The following FBXL17 variants were observed in gnomAD, a reference collection of about 807,000 sequenced individuals.
FBXL17 encodes the protein F-box/LRR-repeat protein 17.
FBXL17 carries 22 observed loss-of-function variants against 66.2 expected under a neutral mutation model. The observed-to-expected ratio is 0.33, with a 90% CI of 0.24 to 0.47. The LOEUF is 0.47. FBXL17 is among the 20% of genes least tolerant of loss of function. FBXL17 has a pLI of 1.00. For missense variants in FBXL17, 878 were observed against 948.2 expected, an observed-to-expected ratio of 0.93 and a Z score of 0.97; for synonymous variants, 474 against 400.5, an observed-to-expected ratio of 1.18 and a Z score of -2.19.
At chr5:108,230,808 CG>C (rs1018057606) in intron 4 of FBXL17, among the ~76,000 whole-genome samples, 6 of 132,170 alleles carry the variant, frequency 4.5e-5, no homozygotes, top group Non-Finnish European at 6.4e-5. Context: ...GGTTGGGGGG[CG>C]CGAGGGATAA....
At chr5:108,316,100 T>G (rs900704488) in intron 4 of FBXL17, among the ~76,000 whole-genome samples, 1 of 151,482 alleles carries the variant, frequency 6.6e-6, no homozygotes, top group Non-Finnish European at 1.5e-5. Flanking sequence ...CTGAACAGTA[T>G]GTATTATGAT....
intron 7 of FBXL17, among the ~76,000 whole-genome samples, chr5:107,984,538 T>C (rs1212470518): frequency 2.0e-5 from 3 of 152,130 alleles, no homozygotes; most frequent in Admixed American, 6.5e-5. Context: ...CTACTTGCTA[T>C]AGCATACACA....
intron 4 of FBXL17, among the ~76,000 whole-genome samples, chr5:108,235,768 C>A (rs1163749066): frequency 2.0e-5 from 3 of 152,200 alleles, no homozygotes; most frequent in South Asian, 2.1e-4. Context: ...CTGTTCACTA[C>A]TCTAGCCCTA....
At chr5:107,865,898 G>T (rs1748256793) in intron 8 of FBXL17, among the ~76,000 whole-genome samples, 1 of 152,104 alleles carries the variant, frequency 6.6e-6, no homozygotes, top group Non-Finnish European at 1.5e-5. Flanking sequence ...CTCCATAAGT[G>T]CTTTGGTGCC....
chr5:108,019,695 G>T (rs993981399), intron 7 of FBXL17, among the ~76,000 whole-genome samples: 2 of 151,772 alleles, frequency 1.3e-5, no homozygotes, highest in African/African-American at 4.8e-5. Context: ...TATGCCGTGT[G>T]TTGGTCAGGG....
intron 4 of FBXL17, among the ~76,000 whole-genome samples, chr5:108,337,686 A>C (rs990402569): frequency 7.0e-6 from 1 of 143,596 alleles, no homozygotes; most frequent in Non-Finnish European, 1.5e-5. Context: ...AAGAAGAGTG[A>C]TAAAAGGACA....
At chr5:108,367,288 G>A (rs1457834700) in intron 2 of FBXL17, among the ~76,000 whole-genome samples, 1 of 151,602 alleles carries the variant, frequency 6.6e-6, no homozygotes, top group African/African-American at 2.4e-5. Flanking sequence ...AACACATTAG[G>A]CAGCTAAGCA....
intron 4 of FBXL17, among the ~76,000 whole-genome samples, chr5:108,289,356 G>T (rs1232730230): frequency 6.6e-6 from 1 of 152,034 alleles, no homozygotes; most frequent in Non-Finnish European, 1.5e-5. Flanking sequence ...TCCATTCTTT[G>T]TTCTAATATT....
At chr5:108,190,111 A>G (rs1753411041) in intron 5 of FBXL17, among the ~76,000 whole-genome samples, 1 of 152,200 alleles carries the variant, frequency 6.6e-6, no homozygotes, top group African/African-American at 2.4e-5. Flanking sequence ...GTGTATCAGT[A>G]GAAAACAAAT....
At chr5:108,319,920 T>A (rs547454569) in intron 4 of FBXL17, among the ~76,000 whole-genome samples, 31 of 151,800 alleles carry the variant, frequency 2.0e-4, no homozygotes, top group Non-Finnish European at 4.0e-4. Flanking sequence ...GGTGAAACTG[T>A]TTACTAGGGT....
At chr5:107,956,646 G>C (rs1249685136) in intron 7 of FBXL17, among the ~76,000 whole-genome samples, 3 of 152,130 alleles carry the variant, frequency 2.0e-5, no homozygotes, top group African/African-American at 7.2e-5. Flanking sequence ...TTCAAAAATA[G>C]TATAATTAGT....
At chr5:107,928,416 C>G (rs1013868972) in intron 7 of FBXL17, among the ~76,000 whole-genome samples, 18 of 144,722 alleles carry the variant, frequency 1.2e-4, no homozygotes, top group African/African-American at 4.4e-4. Context: ...AAGCTACATA[C>G]TTTGTTTTTT....
At chr5:107,878,747 C>T in intron 8 of FBXL17, 1 of 985,454 alleles carries the variant, frequency 1.0e-6, no homozygotes, top group Non-Finnish European at 1.2e-6. Context: ...CAAGGCTTTA[C>T]TTGTGCTTTG....
chr5:108,157,238 A>C (rs1442209376), intron 6 of FBXL17, among the ~76,000 whole-genome samples: 1 of 151,694 alleles, frequency 6.6e-6, no homozygotes, highest in African/African-American at 2.4e-5. Flanking sequence ...ATTAGAGAAA[A>C]AAATTAAATA....
chr5:108,071,144 T>A (rs554902426), intron 6 of FBXL17, among the ~76,000 whole-genome samples: 1 of 152,352 alleles, frequency 6.6e-6, no homozygotes, highest in South Asian at 2.1e-4. Context: ...CAGGTACAGG[T>A]TGCATTGCAG....
At chr5:108,289,654 C>CCATGA (rs1451303763) in intron 4 of FBXL17, among the ~76,000 whole-genome samples, 1 of 152,120 alleles carries the variant, frequency 6.6e-6, no homozygotes, top group African/African-American at 2.4e-5. Flanking sequence ...GCAAATGCTG[C>CCATGA]CATGACATGA....
chr5:108,219,979 TC>T (rs1291749165), intron 5 of FBXL17, among the ~76,000 whole-genome samples: 5 of 149,528 alleles, frequency 3.3e-5, no homozygotes, highest in African/African-American at 1.2e-4. Context: ...TTTGCTCCTT[TC>T]TCAAATTTCA....
At chr5:108,019,070 A>AC (rs1465960608) in intron 7 of FBXL17, among the ~76,000 whole-genome samples, 5 of 152,176 alleles carry the variant, frequency 3.3e-5, no homozygotes, top group African/African-American at 4.8e-5. Context: ...TGGCAGAAAA[A>AC]TTCTAAGTGA....
At chr5:108,011,332 A>C (rs1754161637) in intron 7 of FBXL17, among the ~76,000 whole-genome samples, 1 of 152,224 alleles carries the variant, frequency 6.6e-6, no homozygotes, top group African/African-American at 2.4e-5. Context: ...CTTTAGAAGA[A>C]AGGGATGCAG....
Sources: allele counts gnomAD v4.1 joint callset (sites outside exome capture counted in the v4.1 genomes callset), GRCh38; gene constraint gnomAD v4.1.1; transcripts MANE v1.5; gene names NCBI Gene and HGNC (gene_info 2026-07-23, HGNC 2026-07-21).